CALCR: variants seen among roughly 807,000 people sequenced by gnomAD.
CALCR encodes calcitonin receptor.
A neutral mutation model predicts 59.5 loss-of-function variants in CALCR; 47 were observed. That is an observed-to-expected ratio of 0.79 (90% CI 0.63 to 1.01). The LOEUF is 1.01. Ranked by LOEUF, CALCR falls within the 50% of genes least tolerant of loss-of-function variation. CALCR has a pLI of 0.00. For synonymous variants in CALCR, 213 were observed against 211.3 expected (o/e 1.01, Z -0.07); for missense variants, 566 against 597.1 (o/e 0.95, Z 0.54).
chr7:93,567,709 C>T (rs372905206), intron 2 of CALCR, among the ~76,000 whole-genome samples: 1 of 150,738 alleles, frequency 6.6e-6, no homozygotes, highest in South Asian at 2.1e-4. Flanking sequence ...CAGCCCCCTG[C>T]CCCCCAACAG....
chr7:93,476,319 CTTT>C (rs1800665495), intron 5 of CALCR, among the ~76,000 whole-genome samples: 1 of 151,830 alleles, frequency 6.6e-6, no homozygotes, highest in East Asian at 2.0e-4. Context: ...TTACCAAGTA[CTTT>C]TTCCAAAGTG....
At chr7:93,527,597 T>G (rs1278364131) in intron 2 of CALCR, among the ~76,000 whole-genome samples, 1 of 152,144 alleles carries the variant, frequency 6.6e-6, no homozygotes, top group Non-Finnish European at 1.5e-5. Flanking sequence ...AAATTACGAG[T>G]TAGCAGCCAT....
At position 93,543,549 on chromosome 7, in the gene CALCR, G is replaced by A. The variant is rs181244355; in HGVS notation, c.-27+30740C>T. On this transcript the variant is annotated intron_variant, in intron 2 of 13. Transcript: ENST00000426151. The stretch of plus-strand genomic sequence containing the variant: ...GCTACGATGTGAGCATGGCAATGGC[G>A]TCACTAGATGATAAGAATTCTTCAG... Among the ~76,000 whole-genome samples the A allele has an allele frequency of 5.5e-4, 83 of 152,176 alleles. 1 individual carries two copies. The East Asian group carries it at 0.015, about 28-fold the overall frequency.
At chr7:93,506,361 C>T (rs1395381194) in intron 2 of CALCR, among the ~76,000 whole-genome samples, 1 of 152,126 alleles carries the variant, frequency 6.6e-6, no homozygotes, top group African/African-American at 2.4e-5. Context: ...CATGGTTTCT[C>T]ATCCATATTC....
At chr7:93,485,326 AT>A (rs1235114420) in intron 3 of CALCR, among the ~76,000 whole-genome samples, 1 of 151,594 alleles carries the variant, frequency 6.6e-6, no homozygotes, top group African/African-American at 2.4e-5. Context: ...AAAGATGTGC[AT>A]TTTTTTCAAT....
intron 2 of CALCR, among the ~76,000 whole-genome samples, chr7:93,497,414 A>G (rs1289953583): frequency 6.6e-6 from 1 of 151,592 alleles, no homozygotes; most frequent in Non-Finnish European, 1.5e-5. Context: ...ATTCTTACAT[A>G]CATGTTCTTT....
chr7:93,509,544 G>A (rs1009408916), intron 2 of CALCR, among the ~76,000 whole-genome samples: 2 of 152,018 alleles, frequency 1.3e-5, no homozygotes, highest in African/African-American at 2.4e-5. Flanking sequence ...ATACTCTAGA[G>A]GCCAACTGCT....
chr7:93,477,761 C>A, intron 4 of CALCR, 93 bp from the exon 5 acceptor site: 1 of 761,328 alleles, frequency 1.3e-6, no homozygotes, highest in Non-Finnish European at 2.3e-6. Context: ...TAGCTGAGCT[C>A]ACTACACCAG....
intron 6 of CALCR, among the ~76,000 whole-genome samples, chr7:93,471,333 G>T (rs531026135): frequency 6.6e-6 from 1 of 151,870 alleles, no homozygotes; most frequent in African/African-American, 2.4e-5. Context: ...GTGTAGACAT[G>T]CATCTGATTC....
intron 2 of CALCR, among the ~76,000 whole-genome samples, chr7:93,525,867 C>T (rs1299605245): frequency 6.6e-6 from 1 of 152,078 alleles, no homozygotes; most frequent in East Asian, 1.9e-4. Flanking sequence ...GAAAAAAAAT[C>T]TCTTTTGTGG....
chr7:93,509,864 A>T (rs1003916850), intron 2 of CALCR, among the ~76,000 whole-genome samples: 4 of 152,148 alleles, frequency 2.6e-5, no homozygotes, highest in African/African-American at 9.6e-5. Context: ...AATCCCAAAA[A>T]GTGGATATTT....
At chr7:93,441,257 A>T (rs1188690311) in intron 9 of CALCR, among the ~76,000 whole-genome samples, 7 of 152,172 alleles carry the variant, frequency 4.6e-5, no homozygotes, top group African/African-American at 1.7e-4. Context: ...CAAAACTGGT[A>T]AAAGAAATAT....
rs758827884 is a variant in CALCR, at chr7:93,443,653, A to G, written c.753T>C (p.Ala251=). The G allele has an allele frequency of 6.2e-7, 1 of 1,613,512 alleles. No homozygotes were observed. Among genetic ancestry groups the G allele is most frequent in the Non-Finnish European group, 8.5e-7 (1 of 1,179,574 alleles). ...GCAAGCGTTGCTTCTCAGTAAACAC[A>G]GCCACGACAATGAGTGTATGAAGAT... The part of the protein sequence containing the change: ...GIYLHTLIVV[A]VFTEKQRLRW... The change falls in exon 9 of 14, where the codon GCT becomes GCC. Residue 251 remains alanine, a synonymous_variant. Coordinates refer to ENST00000426151, the MANE Select transcript of CALCR (RefSeq NM_001742.4).
intron 2 of CALCR, among the ~76,000 whole-genome samples, chr7:93,490,004 T>G (rs1191882239): frequency 2.0e-5 from 3 of 151,826 alleles, no homozygotes; most frequent in Non-Finnish European, 2.9e-5. Context: ...GATGCAAAAA[T>G]CCTCAATAAA....
intron 2 of CALCR, among the ~76,000 whole-genome samples, chr7:93,492,789 G>T (rs1421166888): frequency 6.6e-6 from 1 of 151,332 alleles, no homozygotes; most frequent in Non-Finnish European, 1.5e-5. Context: ...TATAATTTTT[G>T]ATTGGGGGAT....
chr7:93,468,910 CT>C, intron 6 of CALCR, 104 bp from the exon 7 acceptor site: 1 of 555,012 alleles, frequency 1.8e-6, no homozygotes, highest in Non-Finnish European at 2.9e-6. Flanking sequence ...TGTTTTCCTC[CT>C]TTTAAAAACC....
At chr7:93,570,616 T>A (rs7786765) in intron 2 of CALCR, among the ~76,000 whole-genome samples, 82,818 of 151,862 alleles carry the variant, frequency 0.55, 24,316 homozygotes, top group African/African-American at 0.77. Context: ...ATGCTATTTT[T>A]AAAAAATAAA....
chr7:93,560,567 C>T (rs1461020491), intron 2 of CALCR, among the ~76,000 whole-genome samples: 1 of 151,988 alleles, frequency 6.6e-6, no homozygotes. Context: ...TTAATTTATA[C>T]TATTTGTTCT....
intron 12 of CALCR, among the ~76,000 whole-genome samples, chr7:93,435,545 G>A (rs900973413): frequency 6.6e-6 from 1 of 152,012 alleles, no homozygotes; most frequent in Non-Finnish European, 1.5e-5. Flanking sequence ...TCAGGCGTGC[G>A]CAGTGGCTCA....
Sources: allele counts gnomAD v4.1 joint callset (sites outside exome capture counted in the v4.1 genomes callset), GRCh38; gene constraint gnomAD v4.1.1; transcripts MANE v1.5; gene names NCBI Gene and HGNC (gene_info 2026-07-23, HGNC 2026-07-21).